The following CCDC110 variants were observed in gnomAD, a reference collection of about 807,000 sequenced individuals.
CCDC110 encodes the protein coiled-coil domain containing 110.
A neutral mutation model predicts 77.1 loss-of-function variants in CCDC110; 70 were observed. The observed-to-expected ratio is 0.91, with a 90% CI of 0.75 to 1.11. The LOEUF (loss-of-function observed/expected upper bound fraction) is 1.11, where lower values mean the gene tolerates loss of function less well. Among genes scored for constraint, CCDC110 ranks in the 50% least tolerant of loss-of-function variants. The pLI is 0.00. For synonymous variants in CCDC110, 295 were observed against 312.5 expected, an observed-to-expected ratio of 0.94 and a Z score of 0.59; for missense variants, 868 against 942.9, an observed-to-expected ratio of 0.92 and a Z score of 1.04.
rs757724766 is a variant in CCDC110, at chr4:185,458,760, G to A, written c.1827C>T (p.Ser609=). The stretch of plus-strand genomic sequence containing the variant: ...CTTTTAGCTGGATTATCTCTAGCTG[G>A]CTTTCTTTTAGTTCATTTCCAAGTG... ...KSSLGNELKE[S]QLEIIQLKEK... The change falls in exon 6 of 7, where the codon AGC becomes AGT. Residue 609 remains serine (S), a synonymous_variant. Coordinates refer to ENST00000307588, the MANE Select transcript of CCDC110 (RefSeq NM_152775.4). 1.3e-5 allele frequency: 21 copies of A among 1,609,814 alleles called. No individual in the cohort carries two copies. The East Asian group carries it at 2.9e-4, about 22-fold the overall frequency.
rs931276163 is a variant in CCDC110 at position 185,468,552 on chromosome 4, G to A, written c.115+2393C>T. ...CCTACTTGTTCTGCTCCATTTACAAGAGCAACCGTTCCTCAATCACACCAG... is the reference window on the plus strand; with the variant it reads ...CCTACTTGTTCTGCTCCATTTACAAAAGCAACCGTTCCTCAATCACACCAG... On this transcript the variant is annotated intron_variant, in intron 2 of 6. Coordinates refer to ENST00000307588, the MANE Select transcript of CCDC110 (RefSeq NM_152775.4). The surrounding 1 kb of genome is among the most constrained non-coding windows in gnomAD (Gnocchi z 4.5). 2.6e-5 allele frequency among the ~76,000 whole-genome samples: 4 copies of A among 152,082 alleles called. No individual in the cohort carries two copies. Among genetic ancestry groups the A allele is most frequent in the African/African-American group, 9.7e-5 (4 of 41,402 alleles).
intron 2 of CCDC110, among the ~76,000 whole-genome samples, chr4:185,465,281 G>T (rs2095653473): frequency 1.3e-5 from 2 of 152,166 alleles, no homozygotes; most frequent in African/African-American, 4.8e-5. Context: ...AGGAGGATTT[G>T]CAAGTTCAAA....
rs757252373 is a variant in CCDC110, at chr4:185,458,891, G to A, written c.1696C>T (p.Arg566Ter). ...ATTGCTTCCATTTCTATACTCATTC[G>A]ATTATTTTCATTATTTACAATGGCC... is the stretch of plus-strand genomic sequence containing the variant. ...DMAIVNNENNRMSIEMEAMKT... is the reference protein window; with the variant it reads ...DMAIVNNENN The change falls in exon 6 of 7, where the codon CGA becomes TGA. Residue 566 changes from arginine to a stop codon, truncating the protein, a stop_gained. Coordinates refer to ENST00000307588, the MANE Select transcript of CCDC110 (RefSeq NM_152775.4). LOFTEE classifies it high-confidence loss of function. The A allele has an allele frequency of 1.2e-6, 2 of 1,605,738 alleles. No individual in the cohort carries two copies. The highest frequency in any genetic ancestry group is 2.2e-5 in the East Asian group (1 of 44,602).
chr4:185,467,409 G>A (rs2095658232), intron 2 of CCDC110, among the ~76,000 whole-genome samples: 1 of 152,156 alleles, frequency 6.6e-6, no homozygotes, highest in Non-Finnish European at 1.5e-5. Context: ...CGTGATTCTA[G>A]AATTGGAAGG....
Position 185,458,580 on chromosome 4 carries a change from T to TA in CCDC110, c.2006_2007insT (p.Gln669HisfsTer23). The stretch of plus-strand genomic sequence containing the variant: ...GCAGAAAATTCTCTTCGGCAGTAGA[T>TA]TGGTAGGTTTGAATATTCTCAATTT... On this transcript the variant is annotated frameshift_variant, in exon 6 of 7. Coordinates refer to ENST00000307588, the MANE Select transcript of CCDC110 (RefSeq NM_152775.4). LOFTEE classifies it high-confidence loss of function. The TA allele has an allele frequency of 6.2e-7, 1 of 1,608,378 alleles. No homozygotes were observed. The highest frequency in any genetic ancestry group is 2.2e-5 in the East Asian group (1 of 44,740).
chr4:185,449,353 T>G (rs1212181426), intron 6 of CCDC110, among the ~76,000 whole-genome samples: 1 of 152,020 alleles, frequency 6.6e-6, no homozygotes, highest in Non-Finnish European at 1.5e-5. Context: ...AAACTCTGTC[T>G]CTACAAAAAA....
chr4:185,447,179 AT>A (rs990223269), intron 6 of CCDC110, among the ~76,000 whole-genome samples: 3 of 129,532 alleles, frequency 2.3e-5, no homozygotes, highest in Non-Finnish European at 3.3e-5. Context: ...TTGATTTTAT[AT>A]TTTTTCTTTT....
intron 6 of CCDC110, among the ~76,000 whole-genome samples, chr4:185,456,958 C>T (rs2095636780): frequency 6.6e-6 from 1 of 152,092 alleles, no homozygotes; most frequent in East Asian, 1.9e-4. Flanking sequence ...AAAGACATTA[C>T]AAGAAAATAA....
rs73012161 is a variant in CCDC110 at position 185,455,118 on chromosome 4, A to C, written c.2461+3008T>G. Reference sequence around the variant, plus strand: ...GATTCAGCAGTAAACAAAATAGACAAAGGTAGGTTAAAAGTAAAAGGATGC... The same window carrying C: ...GATTCAGCAGTAAACAAAATAGACACAGGTAGGTTAAAAGTAAAAGGATGC... On this transcript the variant is annotated intron_variant, in intron 6 of 6. Transcript: ENST00000307588. Among the ~76,000 whole-genome samples, 719 of 152,326 alleles carry C rather than the reference A, an allele frequency of 4.7e-3. 8 individuals carry two copies. Among genetic ancestry groups the C allele is most frequent in the African/African-American group, 0.017 (688 of 41,564 alleles).
At chr4:185,464,838 A>T (rs2095652643) in intron 2 of CCDC110, among the ~76,000 whole-genome samples, 1 of 151,716 alleles carries the variant, frequency 6.6e-6, no homozygotes, top group Non-Finnish European at 1.5e-5. Context: ...TAGTATTTGG[A>T]TTTTTTTTTA....
chr4:185,467,629 A>T (rs2095658640), intron 2 of CCDC110, among the ~76,000 whole-genome samples: 1 of 152,226 alleles, frequency 6.6e-6, no homozygotes, highest in Non-Finnish European at 1.5e-5. Context: ...GTCAAAAGTG[A>T]AAAACAAGGT....
rs1029974442 is a variant in CCDC110 at position 185,459,074 on chromosome 4, G to A, written c.1513C>T (p.Leu505Phe). ...SKTEEYSKEC[L>F]KEFKKIISKY... ...CTAATTATTTTTTTAAATTCTTTAA[G>A]ACACTCTTTGCTGTATTCTTCTGTT... The change falls in exon 6 of 7, where the codon CTT (leucine) becomes TTT (phenylalanine). Residue 505 changes from leucine (L) to phenylalanine (F), a missense_variant. Transcript: ENST00000307588. 2 of 1,572,046 alleles carry A rather than the reference G, an allele frequency of 1.3e-6. No homozygotes were observed. The highest frequency in any genetic ancestry group is 1.4e-5 in the African/African-American group (1 of 73,408).
chr4:185,451,809 C>T (rs539420684), intron 6 of CCDC110, among the ~76,000 whole-genome samples: 1 of 152,226 alleles, frequency 6.6e-6, no homozygotes, highest in East Asian at 1.9e-4. Flanking sequence ...TTTAATCTGT[C>T]TTTATAGTTA....
intron 6 of CCDC110, chr4:185,452,274 C>T: frequency 1.0e-6 from 1 of 985,412 alleles, no homozygotes; most frequent in Non-Finnish European, 1.2e-6. Flanking sequence ...GGGTAGTTTT[C>T]TGCATCCATC....
At chr4:185,465,324 A>G (rs1274524335) in intron 2 of CCDC110, among the ~76,000 whole-genome samples, 1 of 152,248 alleles carries the variant, frequency 6.6e-6, no homozygotes, top group Non-Finnish European at 1.5e-5. Context: ...CTAAAACCAA[A>G]TAAGAAATAT....
rs1010304537 is a variant in CCDC110, at chr4:185,468,944, A to T, written c.115+2001T>A. On this transcript the variant is annotated intron_variant, in intron 2 of 6. Coordinates refer to ENST00000307588, the MANE Select transcript of CCDC110 (RefSeq NM_152775.4). This position sits in a 1 kb window ranked among gnomAD's most constrained non-coding sequence, Gnocchi z 4.5. ...CCTAGAACAGCACTTGAAACTTAGCAGGTGCTCAAAAGAATATGCTCCACA... is the reference window on the plus strand; with the variant it reads ...CCTAGAACAGCACTTGAAACTTAGCTGGTGCTCAAAAGAATATGCTCCACA... 6.6e-6 allele frequency among the ~76,000 whole-genome samples: 1 copy of T among 152,238 alleles called. No individual in the cohort carries two copies. The highest frequency in any genetic ancestry group is 2.4e-5 in the African/African-American group (1 of 41,462).
At chr4:185,464,382 T>C (rs1465586007) in intron 2 of CCDC110, among the ~76,000 whole-genome samples, 2 of 152,142 alleles carry the variant, frequency 1.3e-5, no homozygotes, top group Non-Finnish European at 2.9e-5. Flanking sequence ...AGAGCGAGTC[T>C]GTCTGGATCT....
intron 2 of CCDC110, among the ~76,000 whole-genome samples, chr4:185,464,657 C>T (rs1160962590): frequency 2.0e-5 from 3 of 152,096 alleles, no homozygotes; most frequent in African/African-American, 7.2e-5. Context: ...AATCCTGCCA[C>T]CCACAACGAA....
intron 6 of CCDC110, chr4:185,452,113 T>C (rs1407939441): frequency 1.2e-6 from 1 of 826,436 alleles, no homozygotes; most frequent in Admixed American, 6.2e-5. Flanking sequence ...CATGGATTGT[T>C]TTCTTACAAT....
Sources: gnomAD v4.1 joint callset for allele counts (sites outside exome capture counted in the v4.1 genomes callset) on GRCh38, gnomAD v4.1.1 for gene constraint, Gnocchi (gnomAD v3.1) non-coding constraint, MANE v1.5 for transcripts, NCBI Gene and HGNC (gene_info 2026-07-23, HGNC 2026-07-21) for gene names.